ACYP2: variants seen among roughly 807,000 people sequenced by gnomAD.
The protein encoded by ACYP2 is acylphosphatase-2.
A neutral mutation model predicts 11.2 loss-of-function variants in ACYP2; 12 were observed. That is an observed-to-expected ratio of 1.08 (90% CI 0.69 to 1.74). ACYP2 has a LOEUF of 1.74. Ranked by LOEUF, ACYP2 falls within the 40% of genes most tolerant of loss-of-function variation. The pLI, the probability that ACYP2 is intolerant of heterozygous loss-of-function variation, is 0.00. For missense variants in ACYP2, 134 were observed against 101.9 expected (o/e 1.31, Z -1.35); for synonymous variants, 43 against 32.2 (o/e 1.33, Z -1.13).
intron 6 of ACYP2, among the ~76,000 whole-genome samples, chr2:54,294,492 A>G (rs1442695380): frequency 6.6e-6 from 1 of 152,170 alleles, no homozygotes; most frequent in Non-Finnish European, 1.5e-5. Flanking sequence ...ATCTGCAGGT[A>G]GACATACACA....
At chr2:54,163,465 G>C (rs72908715) in intron 6 of ACYP2, among the ~76,000 whole-genome samples, 2,700 of 152,250 alleles carry the variant, frequency 0.018, 82 homozygotes, top group African/African-American at 0.061. Context: ...AAAAAACTGA[G>C]ACTCATTCAT....
intron 2 of ACYP2, among the ~76,000 whole-genome samples, chr2:54,036,358 T>A (rs1674902063): frequency 2.6e-5 from 4 of 152,204 alleles, no homozygotes; most frequent in Admixed American, 2.0e-4. Context: ...CCTACCAAAG[T>A]GTTGGGATTA....
At chr2:53,993,541 T>C (rs1052792787) in intron 2 of ACYP2, among the ~76,000 whole-genome samples, 2 of 151,122 alleles carry the variant, frequency 1.3e-5, no homozygotes, top group East Asian at 4.0e-4. Flanking sequence ...CTACTAAAAA[T>C]ACAAAATTAG....
intron 2 of ACYP2, among the ~76,000 whole-genome samples, chr2:54,045,753 T>C (rs1193852667): frequency 6.6e-6 from 1 of 151,514 alleles, no homozygotes; most frequent in Non-Finnish European, 1.5e-5. Flanking sequence ...GAGGTGGAGC[T>C]TGCAGTGAGC....
chr2:54,001,625 C>T (rs1672806465), intron 2 of ACYP2, among the ~76,000 whole-genome samples: 1 of 152,136 alleles, frequency 6.6e-6, no homozygotes, highest in Non-Finnish European at 1.5e-5. Context: ...AACTTCTGAC[C>T]TCAGGTGATC....
intron 2 of ACYP2, among the ~76,000 whole-genome samples, chr2:54,010,745 T>C (rs56266419): frequency 0.12 from 14,779 of 120,340 alleles, 1,084 homozygotes; most frequent in African/African-American, 0.16. Flanking sequence ...TTCTTTTTTT[T>C]TTTTTTTTTT....
intron 6 of ACYP2, among the ~76,000 whole-genome samples, chr2:54,259,048 G>A (rs765494686): frequency 3.9e-4 from 59 of 152,174 alleles, no homozygotes; most frequent in Admixed American, 2.6e-4. Flanking sequence ...TTAACAACCT[G>A]ATCACCTCTT....
At chr2:54,120,535 T>C (rs1196772163) in intron 4 of ACYP2, among the ~76,000 whole-genome samples, 2 of 152,192 alleles carry the variant, frequency 1.3e-5, no homozygotes, top group Admixed American at 1.3e-4. Flanking sequence ...ACTGAGTTTT[T>C]TTAGAATAAG....
intron 2 of ACYP2, among the ~76,000 whole-genome samples, chr2:54,023,025 A>C (rs1674084709): frequency 6.6e-6 from 1 of 152,180 alleles, no homozygotes; most frequent in Admixed American, 6.5e-5. Context: ...TACATTAAAT[A>C]AGTTTGTATT....
chr2:54,068,570 G>A (rs186092074), intron 4 of ACYP2, among the ~76,000 whole-genome samples: 98 of 152,272 alleles, frequency 6.4e-4, no homozygotes, highest in Non-Finnish European at 1.2e-3. Context: ...AGAACTGCTT[G>A]GGCTCTGATG....
At chr2:54,021,553 A>G (rs1161923079) in intron 2 of ACYP2, among the ~76,000 whole-genome samples, 1 of 152,208 alleles carries the variant, frequency 6.6e-6, no homozygotes, top group Non-Finnish European at 1.5e-5. Flanking sequence ...TAAAATGTGC[A>G]TGTATTTAAA....
intron 2 of ACYP2, among the ~76,000 whole-genome samples, chr2:53,999,291 AT>A (rs1672700610): frequency 6.6e-6 from 1 of 152,124 alleles, no homozygotes; most frequent in African/African-American, 2.4e-5. Flanking sequence ...ATACAGGGAG[AT>A]GTCATGAGAG....
intron 2 of ACYP2, among the ~76,000 whole-genome samples, chr2:54,038,303 G>C (rs1038101531): frequency 6.6e-6 from 1 of 152,010 alleles, no homozygotes; most frequent in Non-Finnish European, 1.5e-5. Context: ...TTCACCCTAA[G>C]GGTAAGTTGA....
intron 2 of ACYP2, among the ~76,000 whole-genome samples, chr2:53,989,981 CT>C (rs112395166): frequency 0.012 from 1,761 of 143,162 alleles, 8 homozygotes; most frequent in Non-Finnish European, 0.017. Context: ...CTTTTCTTTT[CT>C]TTTTTTTTTT....
chr2:54,229,099 A>C lies in ACYP2; in HGVS notation c.405-75589A>C, dbSNP rs546691099. 5.3e-5 allele frequency among the ~76,000 whole-genome samples: 8 copies of C among 152,318 alleles called. 1 individual carries two copies. Among genetic ancestry groups the C allele is most frequent in the African/African-American group, 1.9e-4 (8 of 41,576 alleles). ...CAGAAGCAAGGGCACCGAGCCAGGT[A>C]GGCCATTACAAAATGGCCCAACTGG... is the stretch of plus-strand genomic sequence containing the variant. On this transcript the variant is annotated intron_variant, in intron 6 of 6. Transcript: ENST00000607452.
chr2:53,974,767 C>T (rs1671385427), intron 2 of ACYP2, among the ~76,000 whole-genome samples: 1 of 152,160 alleles, frequency 6.6e-6, no homozygotes, highest in East Asian at 1.9e-4. Context: ...ATTCATTGAG[C>T]ATTTCTGTCT....
chr2:54,218,068 C>A (rs2103943520), intron 6 of ACYP2, among the ~76,000 whole-genome samples: 1 of 152,328 alleles, frequency 6.6e-6, no homozygotes, highest in South Asian at 2.1e-4. Context: ...TACCCCCATT[C>A]CCACAACCTG....
intron 6 of ACYP2, chr2:54,142,867 A>T (rs933547300): frequency 2.6e-5 from 4 of 152,158 alleles, no homozygotes; most frequent in Admixed American, 6.5e-5. Flanking sequence ...TTCTTTATAT[A>T]GGTTTTTGTA....
chr2:54,280,264 A>G (rs773010939), intron 6 of ACYP2, among the ~76,000 whole-genome samples: 1 of 152,176 alleles, frequency 6.6e-6, no homozygotes, highest in African/African-American at 2.4e-5. Context: ...AGAGGACATC[A>G]TGGTTGATTG....
Sources: gnomAD v4.1 joint callset for allele counts (sites outside exome capture counted in the v4.1 genomes callset) on GRCh38, gnomAD v4.1.1 for gene constraint, MANE v1.5 for transcripts, NCBI Gene and HGNC (gene_info 2026-07-23, HGNC 2026-07-21) for gene names.